FMN1: variants seen among roughly 807,000 people sequenced by gnomAD.
FMN1 encodes formin-1.
Under a neutral mutation model 132.4 loss-of-function variants are expected in FMN1, and 110 were observed. The observed-to-expected ratio is 0.83, with a 90% CI of 0.71 to 0.97. The LOEUF is 0.97. Among genes scored for constraint, FMN1 ranks in the 50% least tolerant of loss-of-function variants. The pLI, the probability that FMN1 is intolerant of heterozygous loss-of-function variation, is 0.00. For missense variants in FMN1, 1,792 were observed against 1,705.3 expected (o/e 1.05, Z -0.90); for synonymous variants, 722 against 651.7 (o/e 1.11, Z -1.64).
At chr15:32,824,123 C>T (rs185798117) in intron 17 of FMN1, among the ~76,000 whole-genome samples, 83 of 152,368 alleles carry the variant, frequency 5.4e-4, no homozygotes, top group African/African-American at 1.5e-3. Flanking sequence ...ATGTACCCCC[C>T]GTGAGAGGGG....
At chr15:33,104,455 T>C (rs1398676842) in intron 4 of FMN1, among the ~76,000 whole-genome samples, 1 of 151,604 alleles carries the variant, frequency 6.6e-6, no homozygotes, top group East Asian at 2.0e-4. Context: ...GACAATTATA[T>C]GTATTACTGA....
intron 17 of FMN1, among the ~76,000 whole-genome samples, chr15:32,807,828 G>C (rs13329491): frequency 0.12 from 18,476 of 152,208 alleles, 1,247 homozygotes; most frequent in Middle Eastern, 0.17. Context: ...AGAAATTAGA[G>C]ATTTAAATGT....
chr15:32,774,679 T>G (rs1567145438), intron 20 of FMN1, among the ~76,000 whole-genome samples: 1 of 152,158 alleles, frequency 6.6e-6, no homozygotes, highest in Non-Finnish European at 1.5e-5. Flanking sequence ...GTAGTGTTAC[T>G]CAAGGACCCC....
intron 4 of FMN1, among the ~76,000 whole-genome samples, chr15:33,143,955 G>A (rs1363220113): frequency 6.6e-6 from 1 of 152,084 alleles, no homozygotes; most frequent in African/African-American, 2.4e-5. Context: ...ATGTCTTGAG[G>A]TCCAAAACCT....
intron 9 of FMN1, among the ~76,000 whole-genome samples, chr15:32,944,415 C>T (rs1294880039): frequency 6.6e-6 from 1 of 152,166 alleles, no homozygotes; most frequent in African/African-American, 2.4e-5. Flanking sequence ...TGTCAACTGG[C>T]CTGATAATGA....
intron 10 of FMN1, among the ~76,000 whole-genome samples, chr15:32,925,904 T>C (rs1053833257): frequency 6.6e-6 from 1 of 152,112 alleles, no homozygotes; most frequent in South Asian, 2.1e-4. Flanking sequence ...GTAAAACAAA[T>C]AAATAAATAA....
intron 6 of FMN1, among the ~76,000 whole-genome samples, chr15:33,044,988 T>C (rs1455956585): frequency 6.6e-6 from 1 of 152,134 alleles, no homozygotes. Context: ...CTTGCCACAT[T>C]GTGGGTGACA....
chr15:33,109,859 C>T (rs1445057678), intron 4 of FMN1, among the ~76,000 whole-genome samples: 1 of 149,710 alleles, frequency 6.7e-6, no homozygotes, highest in Non-Finnish European at 1.5e-5. Context: ...AAAATGCAAG[C>T]TCAAAGAACA....
At chr15:32,964,334 TCCA>T in intron 8 of FMN1, 77 bp from the exon 9 acceptor site, 2 of 1,043,652 alleles carry the variant, frequency 1.9e-6, no homozygotes, top group Admixed American at 4.9e-5. Flanking sequence ...CTTTCTCTAA[TCCA>T]TTTTTTAATT....
chr15:32,775,958 T>G (rs560801714), intron 20 of FMN1, among the ~76,000 whole-genome samples: 1 of 152,120 alleles, frequency 6.6e-6, no homozygotes, highest in Non-Finnish European at 1.5e-5. Context: ...CCATTCCCCA[T>G]TGCAGGGTCA....
chr15:33,126,534 T>C (rs544955556), intron 4 of FMN1, among the ~76,000 whole-genome samples: 1 of 151,926 alleles, frequency 6.6e-6, no homozygotes, highest in Non-Finnish European at 1.5e-5. Context: ...CCTCCAAAAC[T>C]CACTGAAAAA....
At chr15:33,185,590 T>TTTTTTTTTTTTTTG (rs1965855944) in intron 2 of FMN1, among the ~76,000 whole-genome samples, 1 of 133,242 alleles carries the variant, frequency 7.5e-6, no homozygotes, top group African/African-American at 3.0e-5. Flanking sequence ...TTTTTTTTTT[T>TTTTTTTTTTTTTTG]ACACAGAGTT....
chr15:32,831,533 T>G (rs1346573545), intron 17 of FMN1, among the ~76,000 whole-genome samples: 2 of 152,124 alleles, frequency 1.3e-5, no homozygotes, highest in Non-Finnish European at 1.5e-5. Context: ...AGCCAGGGCT[T>G]TGCAGAGGCT....
chr15:33,125,199 C>T (rs1163743834), intron 4 of FMN1, among the ~76,000 whole-genome samples: 1 of 151,886 alleles, frequency 6.6e-6, no homozygotes, highest in Non-Finnish European at 1.5e-5. Flanking sequence ...ACTTACTCAG[C>T]TTAAGAAGGT....
At chr15:32,810,489 C>T (rs1484326659) in intron 17 of FMN1, among the ~76,000 whole-genome samples, 8 of 152,160 alleles carry the variant, frequency 5.3e-5, no homozygotes, top group South Asian at 4.1e-4. Flanking sequence ...CCTCCAGTTT[C>T]GTCTGTATCA....
At chr15:33,146,790 C>T (rs1007621309) in intron 4 of FMN1, among the ~76,000 whole-genome samples, 11 of 152,152 alleles carry the variant, frequency 7.2e-5, no homozygotes, top group East Asian at 1.9e-4. Flanking sequence ...ATCGGCACCA[C>T]AGTCATTTAT....
At chr15:32,814,816 T>C (rs2058000816) in intron 17 of FMN1, among the ~76,000 whole-genome samples, 1 of 152,236 alleles carries the variant, frequency 6.6e-6, no homozygotes, top group South Asian at 2.1e-4. Context: ...CTTGAGACTA[T>C]AAACCTAGTA....
intron 12 of FMN1, among the ~76,000 whole-genome samples, chr15:32,904,400 G>A (rs1366271925): frequency 2.0e-5 from 3 of 152,204 alleles, no homozygotes; most frequent in African/African-American, 4.8e-5. Flanking sequence ...CGAATGAAGG[G>A]TTCTAAACAG....
chr15:32,777,550 C>CGTATAACATATAACACTTTATATATTAT (rs1567149447), intron 19 of FMN1, among the ~76,000 whole-genome samples: 2 of 144,470 alleles, frequency 1.4e-5, no homozygotes, highest in African/African-American at 5.1e-5. Flanking sequence ...TTATATATTA[C>CGTATAACATATAACACTTTATATATTAT]GTATAACATA....
Sources: allele counts gnomAD v4.1 joint callset (sites outside exome capture counted in the v4.1 genomes callset), GRCh38; gene constraint gnomAD v4.1.1; transcripts MANE v1.5; gene names NCBI Gene and HGNC (gene_info 2026-07-23, HGNC 2026-07-21).